The following PACRG variants were observed in gnomAD, a reference collection of about 807,000 sequenced individuals.
PACRG encodes the protein parkin coregulated gene protein.
Under a neutral mutation model 29.7 loss-of-function variants are expected in PACRG, and 29 were observed. That is an observed-to-expected ratio of 0.98 (90% CI 0.73 to 1.33). PACRG has a LOEUF of 1.33. Ranked by LOEUF, PACRG falls within the 40% of genes most tolerant of loss-of-function variation. The pLI, the probability that PACRG is intolerant of heterozygous loss-of-function variation, is 0.00. For missense variants in PACRG, 279 were observed against 316.2 expected (o/e 0.88, Z 0.89); for synonymous variants, 116 against 118.7 (o/e 0.98, Z 0.15).
chr6:163,115,760 G>A (rs773665328), intron 4 of PACRG, among the ~76,000 whole-genome samples: 5 of 152,070 alleles, frequency 3.3e-5, no homozygotes, highest in Admixed American at 6.6e-5. Context: ...CACCTTCCAC[G>A]CTACTCTTGG....
chr6:162,941,171 C>T (rs1282013552), intron 2 of PACRG, among the ~76,000 whole-genome samples: 1 of 152,128 alleles, frequency 6.6e-6, no homozygotes, highest in Non-Finnish European at 1.5e-5. Flanking sequence ...TAAAGAGAAA[C>T]TCAAGCCCTC....
chr6:163,152,077 T>C (rs942526145), intron 4 of PACRG, among the ~76,000 whole-genome samples: 2 of 152,220 alleles, frequency 1.3e-5, no homozygotes, highest in Non-Finnish European at 2.9e-5. Context: ...AAGTACCAAT[T>C]TGTGATAAAA....
intron 3 of PACRG, among the ~76,000 whole-genome samples, chr6:163,073,729 T>C (rs1812287957): frequency 1.3e-5 from 2 of 152,200 alleles, no homozygotes; most frequent in Non-Finnish European, 2.9e-5. Flanking sequence ...CTCAAACAAC[T>C]ATACGAATAA....
At chr6:162,790,660 A>C (rs1298531659) in intron 1 of PACRG, among the ~76,000 whole-genome samples, 3 of 152,120 alleles carry the variant, frequency 2.0e-5, no homozygotes, top group African/African-American at 7.2e-5. Flanking sequence ...AATCCCTTGT[A>C]AACCTGATTT....
rs553366041 is a variant in PACRG at position 163,024,424 on chromosome 6, A to G, written c.292-37726A>G. Among the ~76,000 whole-genome samples, 19 of 152,166 alleles carry G rather than the reference A, an allele frequency of 1.2e-4. No individual in the cohort carries two copies. In the South Asian group the frequency reaches 3.3e-3, roughly 27 times the overall value. ...ATTTATGAGTTCTCTCTTCTGTTCC[A>G]TTGATCTATGTGTATATTTTTGTAC... On this transcript the variant is annotated intron_variant, in intron 2 of 4. Coordinates refer to ENST00000366888, the MANE Select transcript of PACRG (RefSeq NM_001080379.2).
chr6:163,256,961 C>G (rs1275584148), intron 4 of PACRG, among the ~76,000 whole-genome samples: 1 of 152,130 alleles, frequency 6.6e-6, no homozygotes, highest in East Asian at 1.9e-4. Flanking sequence ...TGCAAGCGAC[C>G]TTTGGTGTTC....
chr6:163,079,157 C>T (rs1812834616), intron 3 of PACRG, among the ~76,000 whole-genome samples: 1 of 151,926 alleles, frequency 6.6e-6, no homozygotes, highest in Non-Finnish European at 1.5e-5. Flanking sequence ...GCATGGTGCC[C>T]GATCAAGAAT....
chr6:162,808,106 T>C (rs919636415), intron 1 of PACRG, among the ~76,000 whole-genome samples: 3 of 152,236 alleles, frequency 2.0e-5, no homozygotes, highest in African/African-American at 4.8e-5. Context: ...TTGAGTATTG[T>C]AAAATTTCTG....
chr6:162,972,475 C>T (rs1317371883), intron 2 of PACRG, among the ~76,000 whole-genome samples: 3 of 152,062 alleles, frequency 2.0e-5, no homozygotes, highest in Admixed American at 2.0e-4. Flanking sequence ...TAAGCAGTGC[C>T]CTCTCTATTA....
At chr6:163,198,938 C>G (rs1210381631) in intron 4 of PACRG, among the ~76,000 whole-genome samples, 2 of 152,098 alleles carry the variant, frequency 1.3e-5, no homozygotes, top group Admixed American at 1.3e-4. Flanking sequence ...CAGGAAAACT[C>G]GAAACAGGGA....
chr6:163,060,653 A>T (rs950491299), intron 2 of PACRG, among the ~76,000 whole-genome samples: 1 of 152,058 alleles, frequency 6.6e-6, no homozygotes, highest in African/African-American at 2.4e-5. Context: ...CCCAGCTTCT[A>T]CCTGAACATG....
intron 4 of PACRG, among the ~76,000 whole-genome samples, chr6:163,150,187 C>A (rs1022013270): frequency 6.6e-6 from 1 of 152,206 alleles, no homozygotes; most frequent in African/African-American, 2.4e-5. Context: ...TCTTAACCTG[C>A]GCCTCAGTTT....
chr6:163,004,078 A>C (rs2128202619), intron 2 of PACRG, among the ~76,000 whole-genome samples: 1 of 152,258 alleles, frequency 6.6e-6, no homozygotes, highest in African/African-American at 2.4e-5. Flanking sequence ...ATTTACAAAA[A>C]AAATTCTCTT....
chr6:163,278,700 T>C (rs1212394384), intron 4 of PACRG, among the ~76,000 whole-genome samples: 1 of 152,210 alleles, frequency 6.6e-6, no homozygotes, highest in Admixed American at 6.5e-5. Flanking sequence ...TATGTGCCTA[T>C]TTTTATACCA....
At chr6:162,939,011 G>A (rs1389411393) in intron 2 of PACRG, among the ~76,000 whole-genome samples, 1 of 151,984 alleles carries the variant, frequency 6.6e-6, no homozygotes, top group Non-Finnish European at 1.5e-5. Flanking sequence ...GTTTAATTAA[G>A]TACCAGTTAG....
At chr6:162,825,318 G>A (rs1788183718) in intron 2 of PACRG, among the ~76,000 whole-genome samples, 2 of 152,172 alleles carry the variant, frequency 1.3e-5, no homozygotes, top group Admixed American at 6.5e-5. Context: ...GACTTCTGGA[G>A]TCATGATTAA....
chr6:163,200,410 C>A (rs1241919065), intron 4 of PACRG, among the ~76,000 whole-genome samples: 1 of 152,148 alleles, frequency 6.6e-6, no homozygotes, highest in Non-Finnish European at 1.5e-5. Flanking sequence ...TGTTCTACTC[C>A]ATGATCTAGA....
At chr6:162,932,547 G>A (rs1797930375) in intron 2 of PACRG, among the ~76,000 whole-genome samples, 1 of 151,874 alleles carries the variant, frequency 6.6e-6, no homozygotes, top group Non-Finnish European at 1.5e-5. Context: ...TTTCATTATA[G>A]CTTCAATTTT....
intron 1 of PACRG, 134 bp from the exon 2 acceptor site, chr6:162,814,013 C>T: frequency 1.1e-6 from 1 of 923,092 alleles, no homozygotes; most frequent in Non-Finnish European, 1.5e-6. Flanking sequence ...TCTGTTGTCC[C>T]TTATTTGATA....
Sources: gnomAD v4.1 joint callset for allele counts (sites outside exome capture counted in the v4.1 genomes callset) on GRCh38, gnomAD v4.1.1 for gene constraint, MANE v1.5 for transcripts, NCBI Gene and HGNC (gene_info 2026-07-23, HGNC 2026-07-21) for gene names.